The following NCOA3 variants were observed in gnomAD, a reference collection of about 807,000 sequenced individuals.
NCOA3 encodes CBP-interacting protein.
Under a neutral mutation model 158.8 loss-of-function variants are expected in NCOA3, and 51 were observed. That is an observed-to-expected ratio of 0.32 (90% CI 0.26 to 0.41). NCOA3 has a LOEUF of 0.41. Ranked by LOEUF, NCOA3 falls within the 10% of genes least tolerant of loss-of-function variation. The pLI, the probability that NCOA3 is intolerant of heterozygous loss-of-function variation, is 1.00. For synonymous variants in NCOA3, 537 were observed against 592.4 expected, an observed-to-expected ratio of 0.91 and a Z score of 1.36; for missense variants, 1,510 against 1,746.6, an observed-to-expected ratio of 0.86 and a Z score of 2.41.
chr20:47,507,881 A>C (rs2084054021), intron 1 of NCOA3, among the ~76,000 whole-genome samples: 1 of 152,144 alleles, frequency 6.6e-6, no homozygotes, highest in Admixed American at 6.5e-5. Context: ...GGCCTCCCAA[A>C]GTGCTGGAAT....
At chr20:47,650,327 TGCA>T (rs1197232829) in intron 19 of NCOA3, among the ~76,000 whole-genome samples, 1 of 148,910 alleles carries the variant, frequency 6.7e-6, no homozygotes, top group African/African-American at 2.5e-5. Context: ...CTCGGCTCAC[TGCA>T]GCGTCAATTC....
chr20:47,635,519 G>A lies in NCOA3; in HGVS notation c.1310G>A (p.Ser437Asn), dbSNP rs140239411. 16 of 1,614,126 alleles carry A rather than the reference G, an allele frequency of 9.9e-6. No homozygotes were observed. In the East Asian group the frequency reaches 2.5e-4, roughly 25 times the overall value. ...AGTGGAGCTAGGTATGGGGGTTCCA[G>A]TAACATAGCTTCATTGACCCCTGGG... ...QMSGARYGGSSNIASLTPGPG... is the reference protein window; with the variant it reads ...QMSGARYGGSNNIASLTPGPG... Residue 437 changes from serine (S) to asparagine (N), a missense_variant, in exon 11 of 23, where the codon AGT becomes AAT. Ser to Asn is a conservative substitution (Grantham distance 46). Coordinates refer to ENST00000371998, the MANE Select transcript of NCOA3 (RefSeq NM_181659.3).
intron 2 of NCOA3, among the ~76,000 whole-genome samples, chr20:47,584,919 T>C (rs1377340973): frequency 6.6e-6 from 1 of 152,190 alleles, no homozygotes; most frequent in African/African-American, 2.4e-5. Flanking sequence ...TATGTGTGAA[T>C]ATTTTAATGG....
chr20:47,533,313 A>ATTT lies in NCOA3; in HGVS notation c.-99+31303_-99+31305dup, dbSNP rs3091773. 2.8e-3 allele frequency among the ~76,000 whole-genome samples: 364 copies of ATTT among 132,126 alleles called. 1 individual carries two copies. Among genetic ancestry groups the ATTT allele is most frequent in the Non-Finnish European group, 4.9e-3 (304 of 62,168 alleles). 86.7% of individuals were successfully genotyped at this position (132,126 alleles called of 152,430 possible). A position where few individuals can be genotyped will look rare whatever the true frequency, so the allele number is the denominator to read the frequency against. ...AAAAAAAAAAAAAAAAAGATCATTG[A>ATTT]TTTTTTTTTTTCTTTTTCCCCTTCA... On this transcript the variant is annotated intron_variant, in intron 1 of 22. Coordinates refer to ENST00000371998, the MANE Select transcript of NCOA3 (RefSeq NM_181659.3).
intron 15 of NCOA3, 47 bp from the exon 16 acceptor site, chr20:47,639,878 A>G (rs1458663439): frequency 6.2e-7 from 1 of 1,612,812 alleles, no homozygotes; most frequent in Non-Finnish European, 8.5e-7. Flanking sequence ...TTTCAGGATA[A>G]TTTTTGCTCT....
chr20:47,588,643 T>A (rs1268574903), intron 2 of NCOA3, among the ~76,000 whole-genome samples: 1 of 152,240 alleles, frequency 6.6e-6, no homozygotes, highest in Non-Finnish European at 1.5e-5. Context: ...ATGCCATTTT[T>A]CTTCAGTTTT....
intron 2 of NCOA3, among the ~76,000 whole-genome samples, chr20:47,595,331 C>T (rs2085735778): frequency 6.6e-6 from 1 of 152,002 alleles, no homozygotes; most frequent in Admixed American, 6.6e-5. Context: ...CTTCTGACCT[C>T]AGGTGATCCG....
chr20:47,511,560 T>TATATATATATATATATATATA (rs1569310982), intron 1 of NCOA3, among the ~76,000 whole-genome samples: 1 of 5,516 alleles, frequency 1.8e-4, no homozygotes, highest in Non-Finnish European at 1.3e-3. Flanking sequence ...TATATATTTC[T>TATATATATATATATATATATA]TTTTTTTTTT....
chr20:47,537,482 C>A (rs899366752), intron 1 of NCOA3, among the ~76,000 whole-genome samples: 1 of 151,836 alleles, frequency 6.6e-6, no homozygotes, highest in African/African-American at 2.4e-5. Context: ...AGCCATTGCA[C>A]CTGTTCTATT....
At chr20:47,532,110 TTGTGTG>T (rs11474538) in intron 1 of NCOA3, among the ~76,000 whole-genome samples, 54 of 147,510 alleles carry the variant, frequency 3.7e-4, no homozygotes, top group Non-Finnish European at 6.4e-4. Flanking sequence ...AGGGGGGGAC[TTGTGTG>T]TGTGTGTGTG....
chr20:47,574,163 C>G (rs927108560), intron 1 of NCOA3, among the ~76,000 whole-genome samples: 2 of 152,114 alleles, frequency 1.3e-5, no homozygotes, highest in African/African-American at 4.8e-5. Context: ...TTGCGTTCGT[C>G]ATACAACCGC....
chr20:47,563,572 C>T lies in NCOA3; in HGVS notation c.-98-19611C>T, dbSNP rs193226206. 1.6e-4 allele frequency among the ~76,000 whole-genome samples: 25 copies of T among 152,234 alleles called. No homozygotes were observed. The East Asian group carries it at 3.5e-3, about 21-fold the overall frequency. ...GCAGGCTGGGCATGATGGCTTATGC[C>T]TGTAATCCCAGCAGTTTAAGTGGCT... On this transcript the variant is annotated intron_variant, in intron 1 of 22. Transcript: ENST00000371998.
chr20:47,639,161 C>T lies in NCOA3; in HGVS notation c.2666C>T (p.Pro889Leu). The T allele has an allele frequency of 6.2e-7, 1 of 1,613,978 alleles. No homozygotes were observed. The highest frequency in any genetic ancestry group is 2.2e-5 in the East Asian group (1 of 44,876). Residue 889 changes from proline (P) to leucine (L), a missense_variant, in exon 14 of 23, where the codon CCA becomes CTA. Physicochemically the swap from Pro to Leu is moderately conservative, Grantham distance 98. This residue lies in a region of NCOA3 where 1,017 missense variants were observed against 1,098.3 expected (regional missense o/e 0.93). Transcript: ENST00000371998. ...LPKQPMLGGN[P>L]RMMDSQENYG... is the part of the protein sequence containing the mutation. ...AAGCAACCCATGTTGGGTGGGAATC[C>T]AAGAATGATGGATAGTCAGGAAAAT...
At chr20:47,510,374 C>T (rs1356262444) in intron 1 of NCOA3, among the ~76,000 whole-genome samples, 2 of 133,100 alleles carry the variant, frequency 1.5e-5, no homozygotes, top group South Asian at 2.3e-4. Context: ...TAGAGGTTGC[C>T]GTGAGCTGAG....
chr20:47,644,164 G>A (rs567324135), intron 17 of NCOA3, among the ~76,000 whole-genome samples: 19 of 151,174 alleles, frequency 1.3e-4, no homozygotes, highest in Admixed American at 1.2e-3. Context: ...TTTTGAGACG[G>A]AGTCTCGCTC....
rs541538486 is a variant in NCOA3, at chr20:47,549,678, A to C, written c.-98-33505A>C. On this transcript the variant is annotated intron_variant, in intron 1 of 22. Coordinates refer to ENST00000371998, the MANE Select transcript of NCOA3 (RefSeq NM_181659.3). ...AGTTTCCAGGTTTGCAGATTCACAA[A>C]CCTTTGTTCTCTTAAATTCTTCTTC... 1.3e-4 allele frequency among the ~76,000 whole-genome samples: 20 copies of C among 151,760 alleles called. 1 individual carries two copies. The South Asian group carries it at 2.5e-3, about 19-fold the overall frequency.
chr20:47,565,975 A>C lies in NCOA3; in HGVS notation c.-98-17208A>C, dbSNP rs1663993351. ...ATGTCATTCCCTCTCCCACCATTTA[A>C]AAATTTTTTTTTATTTGATGCTGAG... On this transcript the variant is annotated intron_variant, in intron 1 of 22. Transcript: ENST00000371998. Among the ~76,000 whole-genome samples, 3 of 152,130 alleles carry C rather than the reference A, an allele frequency of 2.0e-5. No homozygotes were observed. In the South Asian group the frequency reaches 6.2e-4, roughly 31 times the overall value.
intron 2 of NCOA3, among the ~76,000 whole-genome samples, chr20:47,620,955 A>AGCC (rs2086230943): frequency 6.6e-6 from 1 of 152,330 alleles, no homozygotes; most frequent in South Asian, 2.1e-4. Context: ...ACGTTTGAAA[A>AGCC]TACAATACCC....
In NCOA3 at chr20:47,650,964, C is replaced by T. The variant is rs183131851; in HGVS notation, c.3652-18C>T. Reference sequence around the variant, plus strand: ...TTCTTGCTATATATATGTAATTGCACTCTTTCTTGGGTATTAGCAGGGTTT... The same window carrying T: ...TTCTTGCTATATATATGTAATTGCATTCTTTCTTGGGTATTAGCAGGGTTT... On this transcript the variant is annotated intron_variant, in intron 19 of 22. Coordinates refer to ENST00000371998, the MANE Select transcript of NCOA3 (RefSeq NM_181659.3). 4.4e-5 allele frequency: 71 copies of T among 1,610,092 alleles called. No individual in the cohort carries two copies. The East Asian group carries it at 1.1e-3, about 26-fold the overall frequency.
Sources: gnomAD v4.1 joint callset for allele counts (sites outside exome capture counted in the v4.1 genomes callset) on GRCh38, gnomAD v4.1.1 for gene constraint, gnomAD v4.1.1 regional missense constraint, MANE v1.5 for transcripts, NCBI Gene and HGNC (gene_info 2026-07-23, HGNC 2026-07-21) for gene names.